Variants in UBTF observed in about 807,000 individuals in gnomAD.
UBTF encodes nucleolar transcription factor 1.
UBTF carries 8 observed loss-of-function variants against 112.3 expected under a neutral mutation model. The ratio of observed to expected loss-of-function variants is 0.07; its 90% CI spans 0.04 to 0.13. The LOEUF (loss-of-function observed/expected upper bound fraction) is 0.13, where lower values mean the gene tolerates loss of function less well. Ranked by LOEUF, UBTF falls within the 10% of genes least tolerant of loss-of-function variation. The pLI is 1.00. For synonymous variants in UBTF, 417 were observed against 373.1 expected (o/e 1.12, Z -1.36); for missense variants, 457 against 982.1 (o/e 0.47, Z 7.15).
chr17:44,213,590 G>A (rs1318716086), intron 5 of UBTF, among the ~76,000 whole-genome samples: 4 of 152,234 alleles, frequency 2.6e-5, no homozygotes, highest in Non-Finnish European at 5.9e-5. Flanking sequence ...CGCAGTGGCA[G>A]CGCTGAGCCT....
chr17:44,212,056 AG>A, intron 8 of UBTF, 50 bp from the exon 9 acceptor site: 1 of 1,267,528 alleles, frequency 7.9e-7, no homozygotes. Flanking sequence ...GGAGTTAGCT[AG>A]GGCAGGGGCA....
chr17:44,207,379 G>A lies in UBTF; in HGVS notation c.2170-12C>T, dbSNP rs1187833344. ...TCATCCTCTTCATTCTGGGGGGTGAGAAAGGATGTGGAGTCACCAGGTGGC... is the reference window on the plus strand; with the variant it reads ...TCATCCTCTTCATTCTGGGGGGTGAAAAAGGATGTGGAGTCACCAGGTGGC... On this transcript the variant is annotated splice_polypyrimidine_tract_variant and intron_variant, in intron 20 of 20. Transcript: ENST00000436088. 1.2e-5 allele frequency: 19 copies of A among 1,612,458 alleles called. No individual in the cohort carries two copies. In the South Asian group the frequency reaches 1.7e-4, roughly 14 times the overall value.
chr17:44,210,462 C>G lies in UBTF; in HGVS notation c.1371G>C (p.Lys457Asn). ...DLSEKKKAKY[K>N]AREAALKAQS... ...GAGCCTTGAGCGCCGCCTCTCGGGC[C>G]TTGTACTTGGCCTGCGGGGATGGCC... Residue 457 changes from lysine (K) to asparagine (N), a missense_variant, in exon 14 of 21, where the codon AAG (lysine) becomes AAC (asparagine). Physicochemically the swap from Lys to Asn is moderately conservative, Grantham distance 94. Coordinates refer to ENST00000436088, the MANE Select transcript of UBTF (RefSeq NM_014233.4). 1 of 1,609,614 alleles carries G rather than the reference C, an allele frequency of 6.2e-7. No individual in the cohort carries two copies. Among genetic ancestry groups the G allele is most frequent in the Non-Finnish European group, 8.5e-7 (1 of 1,179,200 alleles).
intron 2 of UBTF, among the ~76,000 whole-genome samples, chr17:44,217,478 C>CA (rs2046903970): frequency 6.6e-6 from 1 of 152,188 alleles, no homozygotes; most frequent in South Asian, 2.1e-4. Context: ...AATGCAGCCC[C>CA]AGAGAGCTCT....
rs752573646 is a variant in UBTF at position 44,207,384 on chromosome 17, G to A, written c.2170-17C>T. 1 of 1,612,698 alleles carries A rather than the reference G, an allele frequency of 6.2e-7. No homozygotes were observed. Among genetic ancestry groups the A allele is most frequent in the South Asian group, 1.1e-5 (1 of 90,932 alleles). On this transcript the variant is annotated splice_polypyrimidine_tract_variant and intron_variant, in intron 20 of 20. Coordinates refer to ENST00000436088, the MANE Select transcript of UBTF (RefSeq NM_014233.4). ...CTCTTCATTCTGGGGGGTGAGAAAGGATGTGGAGTCACCAGGTGGCCCTCC... is the reference window on the plus strand; with the variant it reads ...CTCTTCATTCTGGGGGGTGAGAAAGAATGTGGAGTCACCAGGTGGCCCTCC...
At position 44,206,957 on chromosome 17, in the gene UBTF, C is replaced by T; in HGVS notation, c.*285G>A. ...ATTGTCCATGCCGGAACCGCAAGTG[C>T]AGAAGTGGGTGGGGTGGGCCAGGCT... On this transcript the variant is annotated 3_prime_UTR_variant, in exon 21 of 21. Coordinates refer to ENST00000436088, the MANE Select transcript of UBTF (RefSeq NM_014233.4). 1 of 515,472 alleles carries T rather than the reference C, an allele frequency of 1.9e-6. No individual in the cohort carries two copies. The highest frequency in any genetic ancestry group is 3.1e-5 in the South Asian group (1 of 31,886). 31.9% of individuals were successfully genotyped at this position (515,472 alleles called of 1,614,324 possible). A position where few individuals can be genotyped will look rare whatever the true frequency, so the allele number is the denominator to read the frequency against.
intron 17 of UBTF, among the ~76,000 whole-genome samples, chr17:44,208,380 C>T (rs779347869): frequency 1.6e-4 from 25 of 152,340 alleles, no homozygotes; most frequent in Non-Finnish European, 2.9e-4. Flanking sequence ...GCTAGGATTA[C>T]AGGCGTGAGC....
chr17:44,213,471 A>G (rs1480983098), intron 5 of UBTF, 189 bp from the exon 6 acceptor site: 1 of 571,720 alleles, frequency 1.7e-6, no homozygotes, highest in African/African-American at 1.9e-5. Context: ...TCTACCACAG[A>G]TGGTGGGAGC....
chr17:44,220,505 T>TA (rs11427102), upstream of UBTF, among the ~76,000 whole-genome samples: 75,285 of 148,422 alleles, frequency 0.51, 23,108 homozygotes, highest in African/African-American at 0.86. Flanking sequence ...ATACGAAACT[T>TA]AAAAAAAAAC....
At chr17:44,208,950 C>T (rs867762383) in intron 17 of UBTF, 10 of 339,278 alleles carry the variant, frequency 2.9e-5, no homozygotes, top group South Asian at 1.0e-4. Context: ...TTTGGGAGGC[C>T]GAGGTGGGCG....
intron 5 of UBTF, among the ~76,000 whole-genome samples, chr17:44,215,102 T>C (rs895826766): frequency 8.7e-5 from 10 of 115,106 alleles, no homozygotes; most frequent in African/African-American, 1.4e-4. Flanking sequence ...TGAACACGTG[T>C]GCGTGGAGAA....
chr17:44,218,442 G>A (rs2046957869), intron 1 of UBTF, 146 bp from the exon 2 acceptor site: 1 of 544,336 alleles, frequency 1.8e-6, no homozygotes, highest in Admixed American at 3.7e-5. Flanking sequence ...CTATGGGAAT[G>A]GGAGTGCGCC....
chr17:44,219,127 G>A (rs1333013210), intron 1 of UBTF: 1 of 150,510 alleles, frequency 6.6e-6, no homozygotes, highest in Non-Finnish European at 1.5e-5. Context: ...CCAAGGAGAG[G>A]GCGGGAGGAC....
At chr17:44,220,192 G>A (rs1276771497), upstream of UBTF, among the ~76,000 whole-genome samples, 1 of 151,934 alleles carries the variant, frequency 6.6e-6, no homozygotes, top group Non-Finnish European at 1.5e-5. Flanking sequence ...AGACCCGCGG[G>A]GGAACTAGCA....
intron 2 of UBTF, 114 bp downstream of exon 2, chr17:44,218,058 C>T: frequency 9.5e-7 from 1 of 1,047,670 alleles, no homozygotes; most frequent in Non-Finnish European, 1.4e-6. Context: ...AAGGCACTTT[C>T]TCCCCCAGTT....
At chr17:44,209,762 C>T in intron 15 of UBTF, 29 bp from the exon 16 acceptor site, 3 of 1,606,928 alleles carry the variant, frequency 1.9e-6, no homozygotes, top group Admixed American at 1.7e-5. Context: ...CGCTCACCCC[C>T]CAGTCCCACC....
At chr17:44,213,443 A>G in intron 5 of UBTF, 161 bp from the exon 6 acceptor site, 4 of 684,988 alleles carry the variant, frequency 5.8e-6, no homozygotes, top group South Asian at 2.1e-5. Context: ...GACTCACCAC[A>G]GAGCAGACCT....
chr17:44,210,095 G>T, intron 15 of UBTF, 29 bp downstream of exon 15: 1 of 1,612,016 alleles, frequency 6.2e-7, no homozygotes, highest in South Asian at 1.1e-5. Context: ...AGCTTTCAAT[G>T]AATGGGGTGG....
Position 44,216,043 on chromosome 17 carries a change from C to G in UBTF, c.235-54G>C, listed in dbSNP as rs528886875. On this transcript the variant is annotated intron_variant, in intron 3 of 20. Coordinates refer to ENST00000436088, the MANE Select transcript of UBTF (RefSeq NM_014233.4). The stretch of plus-strand genomic sequence containing the variant: ...AAGTTGGGAAAAGGAAAATGCCACA[C>G]AGTAGTATACCCCCATCTTATAACG... 4.4e-6 allele frequency: 6 copies of G among 1,368,648 alleles called. No homozygotes were observed. In the African/African-American group the frequency reaches 5.7e-5, roughly 13 times the overall value. The allele number at this position is 1,368,648 out of a possible 1,614,324, so 84.8% of individuals were successfully genotyped here.
Sources: gnomAD v4.1 joint callset for allele counts (sites outside exome capture counted in the v4.1 genomes callset) on GRCh38, gnomAD v4.1.1 for gene constraint, MANE v1.5 for transcripts, NCBI Gene and HGNC (gene_info 2026-07-23, HGNC 2026-07-21) for gene names.